LINGO2: variants seen among roughly 807,000 people sequenced by gnomAD.
LINGO2 encodes the protein leucine-rich repeat and immunoglobulin-like domain-containing nogo receptor-interacting protein 2.
Under a neutral mutation model 30.6 loss-of-function variants are expected in LINGO2, and 14 were observed. The observed-to-expected ratio is 0.46, with a 90% confidence interval of 0.30 to 0.72. The LOEUF (loss-of-function observed/expected upper bound fraction) is 0.72, where lower values mean the gene tolerates loss of function less well. LINGO2 is among the 30% of genes least tolerant of loss of function. LINGO2 has a pLI of 0.07. For synonymous variants in LINGO2, 317 were observed against 288.5 expected (o/e 1.10, Z -1.00); for missense variants, 729 against 751.7 (o/e 0.97, Z 0.35).
the LINGO2 span, among the ~76,000 whole-genome samples, chr9:28,871,117 AT>A: frequency 5.3e-5 from 8 of 151,922 alleles, no homozygotes; most frequent in South Asian, 6.2e-4. Context: ...GTGGGAACCA[AT>A]TTAAATATTT....
rs369111550 is a variant in LINGO2, at chr9:28,436,012, C to T, written c.-279+39928G>A. Among the ~76,000 whole-genome samples, 17 of 152,160 alleles carry T rather than the reference C, an allele frequency of 1.1e-4. No individual in the cohort carries two copies. The South Asian group carries it at 3.5e-3, about 32-fold the overall frequency. On this transcript the variant is annotated intron_variant, in intron 2 of 5. Transcript: ENST00000379992. ...CTATTTGTGTCGGCCAGCAGTGATC[C>T]GCAATAGAAAGCAGTTACCAAGATT...
At chr9:27,950,603 T>A in exon 6 of LINGO2, 1 of 1,520,836 alleles carries the variant, frequency 6.6e-7, no homozygotes, top group Non-Finnish European at 8.8e-7. Flanking sequence ...CAATGGTGGA[T>A]CCCATGAAGA....
intron 4 of LINGO2, among the ~76,000 whole-genome samples, chr9:28,294,585 T>C (rs901588322): frequency 6.6e-6 from 1 of 152,128 alleles, no homozygotes; most frequent in East Asian, 1.9e-4. Flanking sequence ...TGGTTAACAG[T>C]TGGGAAGAGT....
chr9:28,625,951 A>G (rs1386060326), intron 1 of LINGO2, among the ~76,000 whole-genome samples: 1 of 152,144 alleles, frequency 6.6e-6, no homozygotes, highest in Non-Finnish European at 1.5e-5. Flanking sequence ...TAAATACCGA[A>G]TAGGAAAATT....
chr9:28,377,407 C>T (rs1422659609), intron 2 of LINGO2, among the ~76,000 whole-genome samples: 1 of 152,156 alleles, frequency 6.6e-6, no homozygotes, highest in Non-Finnish European at 1.5e-5. Flanking sequence ...TATAAAAATA[C>T]AGCATACAAT....
chr9:28,721,181 G>C, the LINGO2 span, among the ~76,000 whole-genome samples: 1 of 152,094 alleles, frequency 6.6e-6, no homozygotes, highest in South Asian at 2.1e-4. Context: ...TGAGGCTGTG[G>C]AGAAAAGCAA....
intron 1 of LINGO2, among the ~76,000 whole-genome samples, chr9:28,649,782 T>A (rs1037617366): frequency 6.6e-6 from 1 of 151,472 alleles, no homozygotes; most frequent in Admixed American, 6.6e-5. Flanking sequence ...ATTAAAAAAA[T>A]AAAAATACAA....
At position 28,051,031 on chromosome 9, in the gene LINGO2, A is replaced by G. The variant is rs369159520; in HGVS notation, c.-86-38626T>C. 3.3e-5 allele frequency among the ~76,000 whole-genome samples: 5 copies of G among 151,062 alleles called. No individual in the cohort carries two copies. In the East Asian group the frequency reaches 5.9e-4, roughly 18 times the overall value. On this transcript the variant is annotated intron_variant, in intron 4 of 5. Transcript: ENST00000379992. ...TTGAAACAAAGTTCTGTTTTTAGCT[A>G]ACCTCTTTCTCAGTTCCAGCTTTTA...
At chr9:29,017,792 A>C in the LINGO2 span, among the ~76,000 whole-genome samples, 1 of 152,124 alleles carries the variant, frequency 6.6e-6, no homozygotes, top group African/African-American at 2.4e-5. Context: ...AATCCTGCAA[A>C]TGGGAGAATC....
At chr9:28,189,863 A>C (rs182477547) in intron 4 of LINGO2, among the ~76,000 whole-genome samples, 81 of 152,204 alleles carry the variant, frequency 5.3e-4, no homozygotes, top group Admixed American at 3.7e-3. Flanking sequence ...GTGCGTGTGC[A>C]AACATGTGGT....
intron 4 of LINGO2, among the ~76,000 whole-genome samples, chr9:28,229,116 T>C (rs920907031): frequency 5.3e-5 from 8 of 151,830 alleles, no homozygotes; most frequent in South Asian, 2.1e-4. Flanking sequence ...AGAGGAATTC[T>C]TTTCTTTGAC....
chr9:28,061,718 A>T (rs1825150343), intron 4 of LINGO2, among the ~76,000 whole-genome samples: 1 of 152,064 alleles, frequency 6.6e-6, no homozygotes, highest in Non-Finnish European at 1.5e-5. Context: ...TTTTTCACTC[A>T]AGCTTCCTGA....
chr9:28,885,412 G>T, the LINGO2 span, among the ~76,000 whole-genome samples: 113 of 3,518 alleles, frequency 0.032, 2 homozygotes, highest in African/African-American at 0.049. Context: ...TATATACATA[G>T]ATATATATAC....
chr9:28,031,351 T>A (rs1266571423), intron 4 of LINGO2, among the ~76,000 whole-genome samples: 1 of 143,294 alleles, frequency 7.0e-6, no homozygotes, highest in African/African-American at 2.6e-5. Context: ...AAAAACAGGA[T>A]GGTTTTTTTT....
At chr9:28,757,881 G>A in the LINGO2 span, among the ~76,000 whole-genome samples, 1 of 152,018 alleles carries the variant, frequency 6.6e-6, no homozygotes, top group Non-Finnish European at 1.5e-5. Flanking sequence ...TGGCATTCAA[G>A]CCAAACTTCA....
At chr9:28,186,604 G>A (rs1286842707) in intron 4 of LINGO2, among the ~76,000 whole-genome samples, 1 of 152,060 alleles carries the variant, frequency 6.6e-6, no homozygotes, top group Admixed American at 6.6e-5. Flanking sequence ...GGGACGTGTG[G>A]AGTTGGAATT....
chr9:28,173,111 A>T (rs969765161), intron 4 of LINGO2, among the ~76,000 whole-genome samples: 1 of 152,208 alleles, frequency 6.6e-6, no homozygotes, highest in Non-Finnish European at 1.5e-5. Flanking sequence ...TTGTAGTTTT[A>T]AAGACAGCTT....
At chr9:28,512,637 A>C (rs1170668985) in intron 1 of LINGO2, among the ~76,000 whole-genome samples, 2 of 5,564 alleles carry the variant, frequency 3.6e-4, no homozygotes, top group East Asian at 0.03. Flanking sequence ...ATATATATAT[A>C]CACACATACA....
intron 4 of LINGO2, among the ~76,000 whole-genome samples, chr9:28,276,834 A>G (rs2134109915): frequency 6.6e-6 from 1 of 152,252 alleles, no homozygotes; most frequent in South Asian, 2.1e-4. Flanking sequence ...TTTATGTCTA[A>G]TACCTTTTAG....
Sources: gnomAD v4.1 joint callset for allele counts (sites outside exome capture counted in the v4.1 genomes callset) on GRCh38, gnomAD v4.1.1 for gene constraint, MANE v1.5 for transcripts, NCBI Gene and HGNC (gene_info 2026-07-23, HGNC 2026-07-21) for gene names.